EIF3A: variants seen among roughly 807,000 people sequenced by gnomAD.
EIF3A encodes the protein eukaryotic translation initiation factor 3 subunit A, also known as EIF3, p180 subunit.
Under a neutral mutation model 186.6 loss-of-function variants are expected in EIF3A, and 21 were observed. The observed-to-expected ratio is 0.11, with a 90% CI of 0.08 to 0.16. EIF3A has a LOEUF of 0.16. Among genes scored for constraint, EIF3A ranks in the 10% least tolerant of loss-of-function variants. The pLI is 1.00. For synonymous variants in EIF3A, 563 were observed against 584.3 expected (o/e 0.96, Z 0.52); for missense variants, 1,306 against 1,796.3 (o/e 0.73, Z 4.93).
intron 14 of EIF3A, among the ~76,000 whole-genome samples, chr10:119,055,861 TACCCTAC>T (rs1291554372): frequency 6.6e-6 from 1 of 152,218 alleles, no homozygotes; most frequent in East Asian, 1.9e-4. Context: ...ATTTCTTTTC[TACCCTAC>T]ATGAAAAACT....
At chr10:119,054,802 C>T (rs1324594528) in intron 14 of EIF3A, among the ~76,000 whole-genome samples, 1 of 152,104 alleles carries the variant, frequency 6.6e-6, no homozygotes, top group African/African-American at 2.4e-5. Flanking sequence ...AACATGCCTT[C>T]CTCACTAAGC....
At chr10:119,059,025 C>G (rs1309330259) in intron 11 of EIF3A, among the ~76,000 whole-genome samples, 187 bp downstream of exon 11, 1 of 152,188 alleles carries the variant, frequency 6.6e-6, no homozygotes, top group Non-Finnish European at 1.5e-5. Context: ...GTATTTTGTT[C>G]AATGGAAGAA....
rs78565217 is a variant in EIF3A at position 119,067,805 on chromosome 10, A to T, written c.950+1641T>A. On this transcript the variant is annotated intron_variant, in intron 6 of 21. Transcript: ENST00000369144. Reference sequence around the variant, plus strand: ...AAACAGGTGGTATGTGTGTTGCCTAAGTCCAATAGCATTTTTTTTTTTTGA... The same window carrying T: ...AAACAGGTGGTATGTGTGTTGCCTATGTCCAATAGCATTTTTTTTTTTTGA... 9.2e-3 allele frequency among the ~76,000 whole-genome samples: 1,406 copies of T among 152,264 alleles called. 21 individuals are homozygous for T. The highest frequency in any genetic ancestry group is 0.031 in the African/African-American group (1,278 of 41,554).
intron 1 of EIF3A, among the ~76,000 whole-genome samples, chr10:119,075,651 C>CATAT (rs5788328): frequency 0.47 from 45,199 of 96,558 alleles, 11,170 homozygotes; most frequent in Middle Eastern, 0.57. Flanking sequence ...TATATATATA[C>CATAT]ATATATATAT....
rs538763779 is a variant in EIF3A at position 119,051,359 on chromosome 10, T to G, written c.2197-38A>C. On this transcript the variant is annotated intron_variant, in intron 14 of 21. Transcript: ENST00000369144. ...ATATTGTGAAATTTCAATGCACTTT[T>G]TTTTTTACTCATTAACCCCAAATTA... 3.9e-6 allele frequency: 6 copies of G among 1,535,484 alleles called. No individual in the cohort carries two copies. The African/African-American group carries it at 5.7e-5, about 14-fold the overall frequency.
intron 18 of EIF3A, among the ~76,000 whole-genome samples, chr10:119,043,336 T>C (rs1418171025): frequency 6.6e-6 from 1 of 152,090 alleles, no homozygotes; most frequent in Non-Finnish European, 1.5e-5. Context: ...TCCCAGCTAC[T>C]TGGGAGGCAC....
At chr10:119,049,714 A>C (rs1589687953) in intron 17 of EIF3A, 87 bp downstream of exon 17, 1 of 1,218,896 alleles carries the variant, frequency 8.2e-7, no homozygotes, top group East Asian at 2.3e-5. Flanking sequence ...CAGCCTGGGC[A>C]ACCTGGGCGA....
In EIF3A at chr10:119,052,929, A is replaced by T. The variant is rs558799656; in HGVS notation, c.2197-1608T>A. ...TCACTATGGCAGCTACAGGTTTATG[A>T]AATATATTTCTTAAATAATAAGACT... On this transcript the variant is annotated intron_variant, in intron 14 of 21. Coordinates refer to ENST00000369144, the MANE Select transcript of EIF3A (RefSeq NM_003750.4). 3.9e-5 allele frequency among the ~76,000 whole-genome samples: 6 copies of T among 152,334 alleles called. No individual in the cohort carries two copies. The South Asian group carries it at 1.2e-3, about 32-fold the overall frequency.
At chr10:119,071,454 G>C (rs983831064) in intron 4 of EIF3A, among the ~76,000 whole-genome samples, 7 of 152,056 alleles carry the variant, frequency 4.6e-5, no homozygotes, top group Non-Finnish European at 8.8e-5. Context: ...TACATAGTAA[G>C]AAACAAGGTT....
At chr10:119,078,567 C>A (rs1844211583) in intron 1 of EIF3A, among the ~76,000 whole-genome samples, 1 of 152,082 alleles carries the variant, frequency 6.6e-6, no homozygotes, top group Non-Finnish European at 1.5e-5. Flanking sequence ...GATCTGCTCA[C>A]TTTGAGAAGG....
At chr10:119,041,005 CAAAAAA>C (rs34452005) in intron 19 of EIF3A, among the ~76,000 whole-genome samples, 1 of 78,730 alleles carries the variant, frequency 1.3e-5, no homozygotes, top group African/African-American at 5.4e-5. Context: ...ACTCCGTCTC[CAAAAAA>C]AAAAAAAAAA....
intron 1 of EIF3A, among the ~76,000 whole-genome samples, chr10:119,075,879 A>T (rs1397693920): frequency 2.1e-5 from 2 of 94,072 alleles, no homozygotes; most frequent in Admixed American, 1.4e-4. Context: ...CGCCTGGCTA[A>T]TTTTTTTTTT....
At chr10:119,067,620 G>A (rs1270913612) in intron 6 of EIF3A, among the ~76,000 whole-genome samples, 1 of 152,178 alleles carries the variant, frequency 6.6e-6, no homozygotes, top group African/African-American at 2.4e-5. Flanking sequence ...GTATCAGAAA[G>A]CAAAGACATA....
In EIF3A at chr10:119,042,201, G is replaced by A. The variant is rs775316858; in HGVS notation, c.3319C>T (p.Arg1107Trp). The change falls in exon 19 of 22, where the codon CGG becomes TGG. Residue 1107 changes from arginine to tryptophan, a missense_variant. Arg to Trp is a moderately radical substitution (Grantham distance 101). This residue lies in a region of EIF3A where 27 missense variants were observed against 64.8 expected (regional missense o/e 0.42). Coordinates refer to ENST00000369144, the MANE Select transcript of EIF3A (RefSeq NM_003750.4). This position sits in a 1 kb window ranked among gnomAD's most constrained non-coding sequence, Gnocchi z 7.8. ...TCATCCAACCCTCGCCTGGGACCCCGGTCATCATCCATGCCTCGCCTGGGA... is the reference window on the plus strand; with the variant it reads ...TCATCCAACCCTCGCCTGGGACCCCAGTCATCATCCATGCCTCGCCTGGGA... ...RGPRRGMDDD[R>W]GPRRGLDDDR... is the part of the protein sequence containing the mutation. 7 of 1,610,964 alleles carry A rather than the reference G, an allele frequency of 4.3e-6. No homozygotes were observed. Among genetic ancestry groups the A allele is most frequent in the South Asian group, 1.1e-5 (1 of 90,852 alleles).
chr10:119,070,777 C>G, intron 5 of EIF3A, 109 bp downstream of exon 5: 1 of 764,576 alleles, frequency 1.3e-6, no homozygotes, highest in Admixed American at 2.2e-5. Context: ...TAATTCCTTA[C>G]CTTATTGAAA....
At position 119,038,626 on chromosome 10, in the gene EIF3A, T is replaced by C. The variant is rs181205277; in HGVS notation, c.3527-187A>G. On this transcript the variant is annotated intron_variant, in intron 19 of 21. Transcript: ENST00000369144. Reference sequence around the variant, plus strand: ...TCATTAACAGTATCTTAAACTTATATGAGAAACTTAAAATGGGCCGGGCAT... The same window carrying C: ...TCATTAACAGTATCTTAAACTTATACGAGAAACTTAAAATGGGCCGGGCAT... Among the ~76,000 whole-genome samples, 375 of 152,288 alleles carry C rather than the reference T, an allele frequency of 2.5e-3. 2 individuals carry two copies. Among genetic ancestry groups the C allele is most frequent in the South Asian group, 5.8e-3 (28 of 4,820 alleles).
At chr10:119,037,000 A>G in intron 21 of EIF3A, 119 bp downstream of exon 21, 1 of 725,890 alleles carries the variant, frequency 1.4e-6, no homozygotes, top group Non-Finnish European at 2.3e-6. Flanking sequence ...TCTAAATAGA[A>G]TATCAACTCT....
chr10:119,036,949 T>C (rs1262649585), intron 21 of EIF3A, among the ~76,000 whole-genome samples, 170 bp downstream of exon 21: 2 of 152,134 alleles, frequency 1.3e-5, no homozygotes, highest in Non-Finnish European at 2.9e-5. Flanking sequence ...TAAGTGCACT[T>C]TACAACATGA....
chr10:119,050,263 C>T (rs868182472), intron 16 of EIF3A, among the ~76,000 whole-genome samples: 1 of 152,104 alleles, frequency 6.6e-6, no homozygotes, highest in South Asian at 2.1e-4. Context: ...GGAATGTATT[C>T]CTCAATAAAT....
Sources: allele counts gnomAD v4.1 joint callset (sites outside exome capture counted in the v4.1 genomes callset), GRCh38; gene constraint gnomAD v4.1.1; regional missense constraint gnomAD v4.1.1; non-coding constraint Gnocchi (gnomAD v3.1); transcripts MANE v1.5; gene names NCBI Gene and HGNC (gene_info 2026-07-23, HGNC 2026-07-21).